Variants in SCNN1B observed in about 807,000 individuals in gnomAD.
The protein encoded by SCNN1B is epithelial sodium channel subunit beta.
A neutral mutation model predicts 65.3 loss-of-function variants in SCNN1B; 46 were observed. The observed-to-expected ratio is 0.70, with a 90% CI of 0.56 to 0.90. The LOEUF (loss-of-function observed/expected upper bound fraction) is 0.90, where lower values mean the gene tolerates loss of function less well. Ranked by LOEUF, SCNN1B falls within the 40% of genes least tolerant of loss-of-function variation. The pLI, the probability that SCNN1B is intolerant of heterozygous loss-of-function variation, is 0.00. For synonymous variants in SCNN1B, 349 were observed against 330.6 expected (o/e 1.06, Z -0.60); for missense variants, 751 against 830.5 (o/e 0.90, Z 1.18).
rs72654348 is a variant in SCNN1B, at chr16:23,379,879, C to G, written c.1467-215C>G. 3.2e-3 allele frequency among the ~76,000 whole-genome samples: 484 copies of G among 152,258 alleles called. 7 individuals are homozygous for G. The highest frequency in any genetic ancestry group is 0.011 in the African/African-American group (464 of 41,550). ...TTGGACCTCCCCACTCACGGGGGCA[C>G]GCATGAGAGAAGCTCAGGACAGAGG... On this transcript the variant is annotated intron_variant, in intron 11 of 12. Transcript: ENST00000343070.
rs142701259 is a variant in SCNN1B, at chr16:23,371,190, C to T, written c.881-109C>T. The T allele has an allele frequency of 4.0e-5, 49 of 1,239,946 alleles. No homozygotes were observed. The East Asian group carries it at 5.2e-4, about 13-fold the overall frequency. 76.8% of individuals were successfully genotyped at this position (1,239,946 alleles called of 1,614,324 possible). A position where few individuals can be genotyped will look rare whatever the true frequency, so the allele number is the denominator to read the frequency against. On this transcript the variant is annotated intron_variant, in intron 5 of 12. Coordinates refer to ENST00000343070, the MANE Select transcript of SCNN1B (RefSeq NM_000336.3). ...TGCAAAGTGGAGCCAGCCTCCTTGG[C>T]GGTCCCTGGAGGTCCCCTGGCCGGA...
chr16:23,293,114 CAAAAAAA>C (rs1191618996), intron 2 of SCNN1B, among the ~76,000 whole-genome samples: 437 of 34,146 alleles, frequency 0.013, 5 homozygotes, highest in Middle Eastern at 0.083. Flanking sequence ...GACTCATTCT[CAAAAAAA>C]AAAAAAAAAA....
intron 1 of SCNN1B, among the ~76,000 whole-genome samples, chr16:23,307,509 G>C (rs1178620038): frequency 1.3e-5 from 2 of 152,056 alleles, no homozygotes; most frequent in Non-Finnish European, 2.9e-5. Flanking sequence ...TAGTAAAGAT[G>C]AGGTTTCACC....
chr16:23,301,102 A>ATGGGATTACT (rs1432351352), upstream of SCNN1B, among the ~76,000 whole-genome samples: 14 of 151,832 alleles, frequency 9.2e-5, no homozygotes, highest in African/African-American at 3.4e-4. Context: ...GGTGGCTCAC[A>ATGGGATTACT]CCTGTAATCC....
chr16:23,335,737 G>A (rs1006153993), intron 1 of SCNN1B, among the ~76,000 whole-genome samples: 3 of 149,860 alleles, frequency 2.0e-5, no homozygotes, highest in African/African-American at 5.0e-5. Context: ...GTGAGCCACT[G>A]TGCCCGGCCT....
intron 1 of SCNN1B, among the ~76,000 whole-genome samples, chr16:23,340,377 C>G (rs944758208): frequency 1.3e-5 from 2 of 152,110 alleles, no homozygotes; most frequent in Non-Finnish European, 2.9e-5. Flanking sequence ...TAAGGTTACA[C>G]AGATTTTCTT....
Position 23,353,089 on chromosome 16 carries a change from G to A in SCNN1B, c.585+15G>A, listed in dbSNP as rs753186227. The A allele has an allele frequency of 6.2e-6, 10 of 1,613,864 alleles. No homozygotes were observed. Among genetic ancestry groups the A allele is most frequent in the African/African-American group, 4.0e-5 (3 of 74,902 alleles). On this transcript the variant is annotated intron_variant, in intron 3 of 12. Transcript: ENST00000343070. ...CCATGAGACTAGTAAGTGGTCCCTG[G>A]GCACATATCAAGCAATGGGCCCCAC...
chr16:23,360,366 C>G (rs1962522183), intron 4 of SCNN1B, among the ~76,000 whole-genome samples: 1 of 151,780 alleles, frequency 6.6e-6, no homozygotes, highest in Admixed American at 6.6e-5. Flanking sequence ...TGAGACCCCC[C>G]ATCTCTACAA....
intron 1 of SCNN1B, among the ~76,000 whole-genome samples, chr16:23,322,738 G>A (rs78814884): frequency 0.019 from 2,946 of 152,236 alleles, 88 homozygotes; most frequent in African/African-American, 0.064. Context: ...CAATATTAAA[G>A]ATGATTTGTG....
At chr16:23,337,473 G>A (rs1961967871) in intron 1 of SCNN1B, among the ~76,000 whole-genome samples, 1 of 151,022 alleles carries the variant, frequency 6.6e-6, no homozygotes, top group Non-Finnish European at 1.5e-5. Context: ...TCCCTACCAG[G>A]TTCAAGCAAT....
At position 23,323,279 on chromosome 16, in the gene SCNN1B, G is replaced by A. The variant is rs544911552; in HGVS notation, c.-9+20842G>A. On this transcript the variant is annotated intron_variant, in intron 1 of 12. Transcript: ENST00000343070. ...AGGACTTCTTGGAGGAGGTGGCACT[G>A]GAGCTGCACCTAGAAAAAGGTAGAG... 2.6e-5 allele frequency among the ~76,000 whole-genome samples: 4 copies of A among 152,240 alleles called. No homozygotes were observed. The South Asian group carries it at 8.3e-4, about 32-fold the overall frequency.
chr16:23,369,919 G>A (rs1000253634), intron 5 of SCNN1B, among the ~76,000 whole-genome samples: 5 of 152,078 alleles, frequency 3.3e-5, no homozygotes, highest in Non-Finnish European at 5.9e-5. Flanking sequence ...GTGAGCATCC[G>A]AGGAGCTCAT....
At chr16:23,298,699 T>C (rs142741785), upstream of SCNN1B, among the ~76,000 whole-genome samples, 3 of 152,318 alleles carry the variant, frequency 2.0e-5, no homozygotes, top group East Asian at 5.8e-4. Context: ...TGTCAGACTG[T>C]AGACCCTAAT....
intron 1 of SCNN1B, among the ~76,000 whole-genome samples, chr16:23,315,949 C>T (rs1394898644): frequency 6.7e-6 from 1 of 149,570 alleles, no homozygotes; most frequent in Non-Finnish European, 1.5e-5. Flanking sequence ...CACCACCATT[C>T]CCCTCATCAC....
At chr16:23,310,630 T>C (rs1024376157) in intron 1 of SCNN1B, among the ~76,000 whole-genome samples, 2 of 152,162 alleles carry the variant, frequency 1.3e-5, no homozygotes, top group African/African-American at 4.8e-5. Flanking sequence ...AAAGCTATGA[T>C]TGCACCACTG....
chr16:23,328,165 C>T (rs914874884), intron 1 of SCNN1B, among the ~76,000 whole-genome samples: 1 of 152,192 alleles, frequency 6.6e-6, no homozygotes, highest in African/African-American at 2.4e-5. Context: ...TGTCACCCCA[C>T]GCAGAGTGGC....
At chr16:23,314,989 T>C (rs973688997) in intron 1 of SCNN1B, among the ~76,000 whole-genome samples, 1 of 152,184 alleles carries the variant, frequency 6.6e-6, no homozygotes, top group African/African-American at 2.4e-5. Context: ...AAGCTGGATT[T>C]CAGAGGTTGG....
chr16:23,300,290 T>C (rs1384191888), upstream of SCNN1B, among the ~76,000 whole-genome samples: 3 of 151,980 alleles, frequency 2.0e-5, no homozygotes, highest in East Asian at 5.8e-4. Flanking sequence ...TGTATACCTG[T>C]GTAACAAACC....
chr16:23,373,797 T>C (rs1962832817), intron 7 of SCNN1B, among the ~76,000 whole-genome samples: 1 of 152,094 alleles, frequency 6.6e-6, no homozygotes, highest in African/African-American at 2.4e-5. Context: ...CTGCCCATTA[T>C]GGAGAACTCT....
Sources: allele counts gnomAD v4.1 joint callset (sites outside exome capture counted in the v4.1 genomes callset), GRCh38; gene constraint gnomAD v4.1.1; transcripts MANE v1.5; gene names NCBI Gene and HGNC (gene_info 2026-07-23, HGNC 2026-07-21).